The following SAMD3 variants were observed in gnomAD, a reference collection of about 807,000 sequenced individuals.
SAMD3 encodes the protein sterile alpha motif domain-containing protein 3.
A neutral mutation model predicts 58.5 loss-of-function variants in SAMD3; 63 were observed. That is an observed-to-expected ratio of 1.08 (90% CI 0.88 to 1.33). The LOEUF (loss-of-function observed/expected upper bound fraction) is 1.33. SAMD3 is among the 40% of genes most tolerant of loss of function. SAMD3 has a pLI of 0.00. For missense variants in SAMD3, 604 were observed against 608.4 expected, an observed-to-expected ratio of 0.99 and a Z score of 0.08; for synonymous variants, 220 against 210.3, an observed-to-expected ratio of 1.05 and a Z score of -0.40.
intron 2 of SAMD3, among the ~76,000 whole-genome samples, chr6:130,247,600 C>T (rs73605910): frequency 0.019 from 2,950 of 151,972 alleles, 94 homozygotes; most frequent in African/African-American, 0.067. Flanking sequence ...GATACAAAAA[C>T]ACAACCATGG....
chr6:130,220,431 G>A (rs1418934144), intron 1 of SAMD3, among the ~76,000 whole-genome samples: 1 of 152,196 alleles, frequency 6.6e-6, no homozygotes, highest in Non-Finnish European at 1.5e-5. Context: ...TAGTGTTTTG[G>A]CCTTTGAGTC....
chr6:130,149,754 A>G (rs1270765915), intron 9 of SAMD3, among the ~76,000 whole-genome samples: 3 of 152,154 alleles, frequency 2.0e-5, no homozygotes, highest in Admixed American at 6.5e-5. Context: ...AAAACTACCT[A>G]TCGGGTATTA....
Position 130,248,120 on chromosome 6 carries a change from A to G in SAMD3, c.-187-25307T>C, listed in dbSNP as rs9483098. 9.2e-3 allele frequency among the ~76,000 whole-genome samples: 1,401 copies of G among 151,978 alleles called. 19 individuals are homozygous for G. Among genetic ancestry groups the G allele is most frequent in the African/African-American group, 0.032 (1,314 of 41,430 alleles). ...CCCTTTGATAGCATTTGTCTGGTAT[A>G]CTTTTGATCACCCTGTTATTTTGAA... On this transcript the variant is annotated intron_variant, in intron 2 of 13. Transcript: ENST00000368134.
chr6:130,292,271 C>CA (rs1317946423), intron 2 of SAMD3, among the ~76,000 whole-genome samples: 3 of 114,080 alleles, frequency 2.6e-5, no homozygotes, highest in Non-Finnish European at 5.9e-5. Context: ...TTCTTTCTTT[C>CA]TTTTTTTTTT....
intron 2 of SAMD3, among the ~76,000 whole-genome samples, chr6:130,228,844 C>G (rs1043751478): frequency 6.6e-6 from 1 of 152,230 alleles, no homozygotes. Context: ...CCTTCTTCCT[C>G]ACTGCCACCT....
At chr6:130,354,100 A>G (rs889065143) in intron 1 of SAMD3, among the ~76,000 whole-genome samples, 2 of 152,238 alleles carry the variant, frequency 1.3e-5, no homozygotes, top group Middle Eastern at 3.2e-3. Context: ...CATTAGAGAA[A>G]TGCAAATCAA....
chr6:130,348,650 T>C (rs978745367), intron 1 of SAMD3, among the ~76,000 whole-genome samples: 58 of 152,226 alleles, frequency 3.8e-4, no homozygotes, highest in African/African-American at 1.3e-3. Flanking sequence ...CACCCCACTG[T>C]CAACATTAGA....
intron 1 of SAMD3, among the ~76,000 whole-genome samples, chr6:130,349,673 T>C (rs945697714): frequency 6.6e-6 from 1 of 152,138 alleles, no homozygotes; most frequent in Non-Finnish European, 1.5e-5. Flanking sequence ...CCTTCTGAAA[T>C]TATTCCAATC....
chr6:130,199,218 C>A (rs570025597), intron 5 of SAMD3, among the ~76,000 whole-genome samples: 1 of 152,290 alleles, frequency 6.6e-6, no homozygotes, highest in South Asian at 2.1e-4. Context: ...AACTATGCTG[C>A]TTTCCAGGGA....
At chr6:130,266,223 A>T (rs1326278261) in intron 2 of SAMD3, among the ~76,000 whole-genome samples, 1 of 152,206 alleles carries the variant, frequency 6.6e-6, no homozygotes, top group African/African-American at 2.4e-5. Context: ...TGAATGTGCC[A>T]GTACCAGAAA....
At chr6:130,289,066 T>C (rs1165172267) in intron 2 of SAMD3, among the ~76,000 whole-genome samples, 1 of 152,220 alleles carries the variant, frequency 6.6e-6, no homozygotes, top group Non-Finnish European at 1.5e-5. Context: ...TTTTGTCTTG[T>C]AAGACTACAC....
intron 5 of SAMD3, among the ~76,000 whole-genome samples, chr6:130,205,778 G>A (rs745319893): frequency 6.6e-6 from 1 of 152,196 alleles, no homozygotes; most frequent in Non-Finnish European, 1.5e-5. Context: ...AGTCAAGCAC[G>A]AGATTAAGTA....
At chr6:130,348,242 G>T (rs1389873073) in intron 1 of SAMD3, among the ~76,000 whole-genome samples, 2 of 152,180 alleles carry the variant, frequency 1.3e-5, no homozygotes, top group Non-Finnish European at 2.9e-5. Context: ...AACCTTAAAT[G>T]TAAATGGATT....
chr6:130,213,980 A>C (rs1202015707), intron 4 of SAMD3, among the ~76,000 whole-genome samples: 2 of 152,158 alleles, frequency 1.3e-5, no homozygotes, highest in Non-Finnish European at 2.9e-5. Flanking sequence ...AAAAGCAAAG[A>C]AGCAATCAAG....
rs550628724 is a variant in SAMD3, at chr6:130,346,386, T to C, written c.-304+18734A>G. Among the ~76,000 whole-genome samples, 3 of 152,348 alleles carry C rather than the reference T, an allele frequency of 2.0e-5. No individual in the cohort carries two copies. The East Asian group carries it at 5.8e-4, about 29-fold the overall frequency. Reference sequence around the variant, plus strand: ...TCACTCCCACACTAATACTGCGCTTTTCCAGTGGTCTTAGCAAACGGCACA... The same window carrying C: ...TCACTCCCACACTAATACTGCGCTTCTCCAGTGGTCTTAGCAAACGGCACA... On this transcript the variant is annotated intron_variant, in intron 1 of 13. Transcript: ENST00000368134.
intron 2 of SAMD3, among the ~76,000 whole-genome samples, chr6:130,234,026 G>A (rs886348595): frequency 6.6e-6 from 1 of 152,096 alleles, no homozygotes; most frequent in African/African-American, 2.4e-5. Context: ...CAGAAATTTT[G>A]GTAGAAATTG....
intron 1 of SAMD3, among the ~76,000 whole-genome samples, chr6:130,222,081 TG>T (rs1258436040): frequency 1.3e-5 from 2 of 152,226 alleles, no homozygotes; most frequent in South Asian, 2.1e-4. Flanking sequence ...TTGAAAGTCC[TG>T]GAGTTTACAG....
intron 1 of SAMD3, among the ~76,000 whole-genome samples, chr6:130,328,370 G>A (rs550022130): frequency 6.7e-4 from 102 of 152,248 alleles, no homozygotes; most frequent in African/African-American, 2.4e-3. Context: ...AGAGGCTCTG[G>A]CTAGGGTCCT....
chr6:130,308,375 A>ATTCTATTCT (rs1562512872), intron 2 of SAMD3, among the ~76,000 whole-genome samples: 17 of 122,184 alleles, frequency 1.4e-4, no homozygotes, highest in African/African-American at 4.8e-4. Context: ...ATTCTATTCT[A>ATTCTATTCT]TTCTATTCTA....
Sources: gnomAD v4.1 joint callset for allele counts (sites outside exome capture counted in the v4.1 genomes callset) on GRCh38, gnomAD v4.1.1 for gene constraint, MANE v1.5 for transcripts, NCBI Gene and HGNC (gene_info 2026-07-23, HGNC 2026-07-21) for gene names.